CALCRL: variants seen among roughly 807,000 people sequenced by gnomAD.
The protein encoded by CALCRL is calcitonin gene-related peptide type 1 receptor.
In CALCRL, 27 loss-of-function variants were observed where a neutral mutation model predicts 60.4. That is an observed-to-expected ratio of 0.45 (90% confidence interval 0.33 to 0.62). CALCRL has a LOEUF of 0.62. CALCRL is among the 20% of genes least tolerant of loss of function. The probability of loss-of-function intolerance (pLI) is 0.03; values close to 1 mark genes in which losing one functional copy is unlikely to be tolerated. For synonymous variants in CALCRL, 190 were observed against 182.6 expected (o/e 1.04, Z -0.33); for missense variants, 424 against 540.7 (o/e 0.78, Z 2.14).
intron 1 of CALCRL, among the ~76,000 whole-genome samples, chr2:187,390,863 T>C (rs1353968802): frequency 6.6e-6 from 1 of 152,126 alleles, no homozygotes; most frequent in African/African-American, 2.4e-5. Flanking sequence ...AAACACATAA[T>C]GGGCACCTGT....
chr2:187,360,743 G>T lies in CALCRL; in HGVS notation c.636C>A (p.Cys212Ter). 6.3e-7 allele frequency: 1 copy of T among 1,596,088 alleles called. No homozygotes were observed. The highest frequency in any genetic ancestry group is 2.2e-5 in the East Asian group (1 of 44,732). Reference protein sequence around the residue: ...QALVATNPVSCKVSQFIHLYL... With the variant: ...QALVATNPVS ...AAAGATGAATGAACTGGGACACTTT[G>T]CAACTAACCTGTGAGGAAAAAAAAA... The change falls in exon 10 of 15, where the codon TGC becomes TGA. Residue 212 changes from cysteine (C) to a stop codon, truncating the protein, a stop_gained. Transcript: ENST00000392370. LOFTEE classifies it high-confidence loss of function.
intron 1 of CALCRL, among the ~76,000 whole-genome samples, chr2:187,392,638 A>C (rs1688495078): frequency 6.6e-6 from 1 of 152,010 alleles, no homozygotes; most frequent in African/African-American, 2.4e-5. Flanking sequence ...TTTTTGGAAA[A>C]CCTAAGTCTT....
intron 1 of CALCRL, among the ~76,000 whole-genome samples, chr2:187,411,978 CAAAAAA>C (rs56075258): frequency 1.6e-5 from 1 of 61,472 alleles, no homozygotes; most frequent in Non-Finnish European, 3.3e-5. Context: ...GACTCTGTCT[CAAAAAA>C]AAAAAAAAAA....
At chr2:187,379,429 A>C (rs906015111) in intron 7 of CALCRL, among the ~76,000 whole-genome samples, 3 of 152,116 alleles carry the variant, frequency 2.0e-5, no homozygotes, top group Non-Finnish European at 4.4e-5. Context: ...TGCCAGATAA[A>C]GGTTTATTTT....
chr2:187,393,744 A>G (rs1688545457), intron 1 of CALCRL, among the ~76,000 whole-genome samples: 1 of 152,058 alleles, frequency 6.6e-6, no homozygotes, highest in African/African-American at 2.4e-5. Context: ...AGCCTATTAT[A>G]ATTTTCTGAG....
chr2:187,416,285 C>G (rs960639363), intron 1 of CALCRL, among the ~76,000 whole-genome samples: 2 of 152,080 alleles, frequency 1.3e-5, no homozygotes, highest in African/African-American at 2.4e-5. Context: ...AATGTTTAAG[C>G]AGGACATTCA....
At chr2:187,432,248 C>T (rs1690437138) in intron 1 of CALCRL, among the ~76,000 whole-genome samples, 1 of 152,126 alleles carries the variant, frequency 6.6e-6, no homozygotes, top group Non-Finnish European at 1.5e-5. Flanking sequence ...TCCTTTCAGG[C>T]TCAAACTAAT....
In CALCRL at chr2:187,415,193, A is replaced by G. The variant is rs141519306; in HGVS notation, c.-292-27437T>C. Among the ~76,000 whole-genome samples the G allele has an allele frequency of 4.4e-3, 665 of 152,316 alleles. 4 individuals carry two copies. The highest frequency in any genetic ancestry group is 0.015 in the African/African-American group (633 of 41,564). On this transcript the variant is annotated intron_variant, in intron 1 of 14. Transcript: ENST00000392370. ...ATAAAAGGGATATAGAATATATGAA[A>G]AGTCCACACTAAGTAAATGCTTAGA...
intron 8 of CALCRL, among the ~76,000 whole-genome samples, chr2:187,368,928 T>G (rs1471695641): frequency 6.6e-6 from 1 of 152,146 alleles, no homozygotes; most frequent in Admixed American, 6.5e-5. Context: ...TCAATGGAAC[T>G]CTCAAGTTGA....
At chr2:187,364,184 G>GA (rs34130028) in intron 8 of CALCRL, among the ~76,000 whole-genome samples, 121,621 of 151,960 alleles carry the variant, frequency 0.8, 49,015 homozygotes, top group Middle Eastern at 0.86. Context: ...AGTTCACATA[G>GA]AAGTAGATTT....
intron 1 of CALCRL, among the ~76,000 whole-genome samples, chr2:187,427,383 G>A (rs1690190181): frequency 6.6e-6 from 1 of 152,098 alleles, no homozygotes; most frequent in South Asian, 2.1e-4. Flanking sequence ...TATCAAAAAT[G>A]AAAATGTTGT....
chr2:187,418,821 ATAAT>A (rs1253533502), intron 1 of CALCRL, among the ~76,000 whole-genome samples: 3 of 149,158 alleles, frequency 2.0e-5, no homozygotes, highest in Non-Finnish European at 4.5e-5. Context: ...CTTCTTCATA[ATAAT>A]TTCTTAGAAA....
intron 14 of CALCRL, among the ~76,000 whole-genome samples, chr2:187,350,250 A>G (rs1686466304): frequency 6.6e-6 from 1 of 151,616 alleles, no homozygotes; most frequent in African/African-American, 2.4e-5. Flanking sequence ...TATTTCATGC[A>G]TGTTCTTTAG....
Position 187,404,792 on chromosome 2 carries a change from A to G in CALCRL, c.-292-17036T>C, listed in dbSNP as rs114002566. On this transcript the variant is annotated intron_variant, in intron 1 of 14. Coordinates refer to ENST00000392370, the MANE Select transcript of CALCRL (RefSeq NM_005795.6). ...TATGGCTAGAAAACTCACATGAATGAGGCTTTCTGGAGCAGGAGTCAGTAT... is the reference window on the plus strand; with the variant it reads ...TATGGCTAGAAAACTCACATGAATGGGGCTTTCTGGAGCAGGAGTCAGTAT... Among the ~76,000 whole-genome samples, 483 of 152,018 alleles carry G rather than the reference A, an allele frequency of 3.2e-3. 2 individuals are homozygous for G. Among genetic ancestry groups the G allele is most frequent in the African/African-American group, 0.011 (467 of 41,498 alleles).
rs1414825249 is a variant in CALCRL at position 187,366,918 on chromosome 2, CCCCACACACACACA to C, written c.501-3430_501-3417del. On this transcript the variant is annotated intron_variant, in intron 8 of 14. Transcript: ENST00000392370. ...AAAAATGTCATTATTGTGAGTATAA[CCCCACACACACACA>C]CACACACACACACACACACACACAC... 3.7e-4 allele frequency among the ~76,000 whole-genome samples: 31 copies of C among 84,602 alleles called. 1 individual carries two copies. Among genetic ancestry groups the C allele is most frequent in the African/African-American group, 1.1e-3 (24 of 22,450 alleles). 55.5% of individuals were successfully genotyped at this position (84,602 alleles called of 152,430 possible).
rs1171406373 is a variant in CALCRL at position 187,342,274 on chromosome 2, G to T, written c.*3910C>A. 1.3e-5 allele frequency among the ~76,000 whole-genome samples: 2 copies of T among 151,718 alleles called. No individual in the cohort carries two copies. The highest frequency in any genetic ancestry group is 1.5e-5 in the Non-Finnish European group (1 of 67,716). On this transcript the variant is annotated 3_prime_UTR_variant, in exon 15 of 15. Transcript: ENST00000392370. ...AGGGATAGAGAAGTGATGGCTAAAG[G>T]ATACACTGTTTCTTCTCAAGGTCAT... is the stretch of plus-strand genomic sequence containing the variant.
At chr2:187,360,470 A>C in intron 10 of CALCRL, 128 bp downstream of exon 10, 2 of 796,212 alleles carry the variant, frequency 2.5e-6, no homozygotes, top group Non-Finnish European at 3.8e-6. Context: ...AAGAATAAGC[A>C]AAAGTTAATC....
At chr2:187,386,984 T>A (rs1376098144) in intron 3 of CALCRL, among the ~76,000 whole-genome samples, 1 of 152,192 alleles carries the variant, frequency 6.6e-6, no homozygotes, top group Non-Finnish European at 1.5e-5. Flanking sequence ...CGTGAAACTG[T>A]AAGTGCATTA....
chr2:187,411,881 AGCT>A (rs1354899291), intron 1 of CALCRL, among the ~76,000 whole-genome samples: 3 of 150,370 alleles, frequency 2.0e-5, no homozygotes, highest in Non-Finnish European at 4.4e-5. Flanking sequence ...CTGTAGTCAC[AGCT>A]ACTCGGGAGG....
Sources: allele counts gnomAD v4.1 joint callset (sites outside exome capture counted in the v4.1 genomes callset), GRCh38; gene constraint gnomAD v4.1.1; transcripts MANE v1.5; gene names NCBI Gene and HGNC (gene_info 2026-07-23, HGNC 2026-07-21).